PZP: variants seen among roughly 807,000 people sequenced by gnomAD.
PZP encodes the protein PZP alpha-2-macroglobulin like.
PZP carries 150 observed loss-of-function variants against 179.8 expected under a neutral mutation model. That is an observed-to-expected ratio of 0.83 (90% confidence interval 0.73 to 0.96). The LOEUF (loss-of-function observed/expected upper bound fraction) is 0.96, where lower values mean the gene tolerates loss of function less well. Among genes scored for constraint, PZP ranks in the 40% least tolerant of loss-of-function variants. The pLI is 0.00. For synonymous variants in PZP, 624 were observed against 652.3 expected (o/e 0.96, Z 0.66); for missense variants, 1,689 against 1,764.0 (o/e 0.96, Z 0.76).
At chr12:9,151,735 T>A in intron 32 of PZP, 63 bp from the exon 33 acceptor site, 1 of 1,333,526 alleles carries the variant, frequency 7.5e-7, no homozygotes, top group South Asian at 1.2e-5. Context: ...GTGTGAGATC[T>A]AGAGCAGATT....
At chr12:9,169,010 T>G (rs756069605) in intron 16 of PZP, 36 bp from the exon 17 acceptor site, 1 of 1,421,078 alleles carries the variant, frequency 7.0e-7, no homozygotes, top group Admixed American at 1.7e-5. Flanking sequence ...ACTTGTAAGC[T>G]TGATTAGAAT....
intron 10 of PZP, among the ~76,000 whole-genome samples, chr12:9,194,462 GTTTT>G (rs5796342): frequency 8.6e-4 from 78 of 90,828 alleles, no homozygotes; most frequent in Non-Finnish European, 1.4e-3. Flanking sequence ...AAGTCAGGGA[GTTTT>G]TTTTTTTTTT....
chr12:9,146,723 G>A (rs1940028652), downstream of PZP, among the ~76,000 whole-genome samples: 1 of 152,152 alleles, frequency 6.6e-6, no homozygotes, highest in Non-Finnish European at 1.5e-5. Flanking sequence ...GGGAGAAGCA[G>A]GAAGCTGTGG....
At chr12:9,150,082 T>C (rs1940233380) in intron 34 of PZP, among the ~76,000 whole-genome samples, 1 of 152,212 alleles carries the variant, frequency 6.6e-6, no homozygotes, top group South Asian at 2.1e-4. Flanking sequence ...CCTCTCAAAC[T>C]TATTGCTTAG....
rs1364809809 is a variant in PZP at position 9,192,544 on chromosome 12, C to G, written c.1450G>C (p.Gly484Arg). ...TGGAAACTGAGCTCCGATAACTCTC[C>G]CATGGCCTGTCTATTCAGTGTATAG... ...AHYTLNRQAM[G>R]ELSELSFHYL... Residue 484 changes from glycine (G) to arginine (R), a missense_variant, in exon 12 of 36, where the codon GGA becomes CGA. Gly to Arg is a moderately radical substitution (Grantham distance 125). Around this residue, in one of 3 missense-constraint regions of PZP, gnomAD observed 742 missense variants for 730.5 expected, o/e 1.02. Coordinates refer to ENST00000261336, the MANE Select transcript of PZP (RefSeq NM_002864.3). 3 of 1,614,146 alleles carry G rather than the reference C, an allele frequency of 1.9e-6. No homozygotes were observed.
rs1307359834 is a variant in PZP at position 9,192,647 on chromosome 12, G to C, written c.1347C>G (p.Ser449=). The C allele has an allele frequency of 6.2e-7, 1 of 1,614,098 alleles. No individual in the cohort carries two copies. Among genetic ancestry groups the C allele is most frequent in the Middle Eastern group, 1.6e-4 (1 of 6,062 alleles). Residue 449 remains serine, a synonymous_variant, in exon 12 of 36, where the codon TCC becomes TCG. Transcript: ENST00000261336. The part of the protein sequence containing the change: ...GAQHTANRVF[S]LSGSYIHLEP... Reference sequence around the variant, plus strand: ...CCAGGTGAATGTAACTTCCACTTAAGGAGAAAACACGATTTGCAGTGTGCT... The same window carrying C: ...CCAGGTGAATGTAACTTCCACTTAACGAGAAAACACGATTTGCAGTGTGCT...
Position 9,154,651 on chromosome 12 carries a change from G to C in PZP, c.3739C>G (p.Gln1247Glu), listed in dbSNP as rs773769239. The C allele has an allele frequency of 5.0e-6, 8 of 1,614,208 alleles. No homozygotes were observed. In the South Asian group the frequency reaches 8.8e-5, roughly 18 times the overall value. The change falls in exon 29 of 36, where the codon CAG becomes GAG. Residue 1247 changes from glutamine to glutamate, a missense_variant. Gln to Glu is a conservative substitution (Grantham distance 29). Coordinates refer to ENST00000261336, the MANE Select transcript of PZP (RefSeq NM_002864.3). ...ATNIVKWIMKQQNAQGGFSST... is the reference protein window; with the variant it reads ...ATNIVKWIMKEQNAQGGFSST... ...GAGAAACCACCTTGGGCGTTCTGCTGCTTCATGATCCACTTCACAATGTTA... is the reference window on the plus strand; with the variant it reads ...GAGAAACCACCTTGGGCGTTCTGCTCCTTCATGATCCACTTCACAATGTTA...
intron 28 of PZP, among the ~76,000 whole-genome samples, 190 bp from the exon 29 acceptor site, chr12:9,155,029 G>A (rs1175122407): frequency 2.0e-5 from 3 of 152,190 alleles, no homozygotes; most frequent in East Asian, 1.9e-4. Context: ...CCTGTGGTAC[G>A]AAGGTAGGGT....
Position 9,152,258 on chromosome 12 carries a change from C to T in PZP, c.4174G>A (p.Val1392Ile), listed in dbSNP as rs751700076. ...GGTTTCAGGGGAATAAAACCAGATA[C>T]CATCTTTACATCAACAATCACCATA... The part of the protein sequence containing the change: ...SNMVIVDVKM[V>I]SGFIPLKPTV... Residue 1392 changes from valine to isoleucine, a missense_variant, in exon 32 of 36, where the codon GTA (valine) becomes ATA (isoleucine). Coordinates refer to ENST00000261336, the MANE Select transcript of PZP (RefSeq NM_002864.3). 2.5e-6 allele frequency: 4 copies of T among 1,612,914 alleles called. No individual in the cohort carries two copies. Among genetic ancestry groups the T allele is most frequent in the African/African-American group, 2.7e-5 (2 of 74,862 alleles).
At chr12:9,204,034 G>T in intron 1 of PZP, 83 bp from the exon 2 acceptor site, 3 of 1,287,538 alleles carry the variant, frequency 2.3e-6, no homozygotes, top group Non-Finnish European at 3.2e-6. Context: ...ATAACAATAT[G>T]TATTAATTGG....
chr12:9,155,123 TAG>T (rs1294813201), intron 28 of PZP, among the ~76,000 whole-genome samples: 1 of 152,214 alleles, frequency 6.6e-6, no homozygotes, highest in South Asian at 2.1e-4. Flanking sequence ...AGAAAAGTGG[TAG>T]AGAGAGTTCT....
chr12:9,196,344 G>T lies in PZP; in HGVS notation c.1078C>A (p.Pro360Thr). Residue 360 changes from proline to threonine, a missense_variant, in exon 10 of 36, where the codon CCC becomes ACC. Pro to Thr is a conservative substitution (Grantham distance 38). Transcript: ENST00000261336. ...ACATATCTTACCTGTGCAAAAAAGG[G>T]GATTCCTTGTCTAAAGTGTGAATCC... ...KVDSHFRQGI[P>T]FFAQVLLVDG... The T allele has an allele frequency of 1.2e-6, 2 of 1,609,496 alleles. No homozygotes were observed. Among genetic ancestry groups the T allele is most frequent in the Non-Finnish European group, 1.7e-6 (2 of 1,176,000 alleles).
chr12:9,202,249 C>T, intron 4 of PZP, 70 bp downstream of exon 4: 1 of 1,354,062 alleles, frequency 7.4e-7, no homozygotes, highest in Non-Finnish European at 1.1e-6. Context: ...TTTCTTGTAC[C>T]TTTCTACCTC....
At chr12:9,156,587 T>C (rs971371222) in intron 28 of PZP, among the ~76,000 whole-genome samples, 10 of 152,180 alleles carry the variant, frequency 6.6e-5, no homozygotes, top group Admixed American at 6.5e-4. Context: ...TAGAGAGAAA[T>C]CATGAGAAAA....
chr12:9,181,968 C>A lies in PZP; in HGVS notation c.1689+7G>T. On this transcript the variant is annotated splice_region_variant and intron_variant, in intron 14 of 35. Transcript: ENST00000261336. ...GTGTTCTTTTAATTTTATGTTAAAT[C>A]GCTCACCTTGTTGGCTAGACAGTTT... The A allele has an allele frequency of 6.2e-7, 1 of 1,611,708 alleles. No homozygotes were observed. The highest frequency in any genetic ancestry group is 8.5e-7 in the Non-Finnish European group (1 of 1,178,808).
At chr12:9,144,308 C>A (rs765251146), downstream of PZP, among the ~76,000 whole-genome samples, 27 of 152,112 alleles carry the variant, frequency 1.8e-4, no homozygotes, top group Non-Finnish European at 2.8e-4. Context: ...TGAGAGCCCA[C>A]TGGAGAGTAG....
downstream of PZP, among the ~76,000 whole-genome samples, chr12:9,146,515 A>C (rs1273224477): frequency 2.0e-5 from 3 of 151,996 alleles, no homozygotes. Flanking sequence ...TAATTTCTAG[A>C]ATGTATTTTG....
intron 22 of PZP, chr12:9,162,345 A>G: frequency 5.0e-6 from 2 of 399,334 alleles, no homozygotes; most frequent in Non-Finnish European, 8.9e-6. Context: ...TGGGCTATCC[A>G]GGTAAAAGGG....
At chr12:9,180,076 G>A (rs1255146082) in intron 15 of PZP, among the ~76,000 whole-genome samples, 2 of 152,124 alleles carry the variant, frequency 1.3e-5, no homozygotes, top group African/African-American at 4.8e-5. Flanking sequence ...TCAAGTACTC[G>A]GCAAGTGGTA....
Sources: allele counts gnomAD v4.1 joint callset (sites outside exome capture counted in the v4.1 genomes callset), GRCh38; gene constraint gnomAD v4.1.1; regional missense constraint gnomAD v4.1.1; transcripts MANE v1.5; gene names NCBI Gene and HGNC (gene_info 2026-07-23, HGNC 2026-07-21).